The following SPAG16 variants were observed in gnomAD, a reference collection of about 807,000 sequenced individuals.
SPAG16 encodes sperm associated antigen 16, also known as sperm-associated antigen 16 protein.
Under a neutral mutation model 80.4 loss-of-function variants are expected in SPAG16, and 86 were observed. That is an observed-to-expected ratio of 1.07 (90% CI 0.90 to 1.28). SPAG16 has a LOEUF of 1.28. SPAG16 is among the 50% of genes most tolerant of loss of function. The pLI is 0.00. For synonymous variants in SPAG16, 294 were observed against 265.9 expected (o/e 1.11, Z -1.03); for missense variants, 870 against 765.3 (o/e 1.14, Z -1.61).
intron 10 of SPAG16, among the ~76,000 whole-genome samples, chr2:213,598,875 C>G (rs992724763): frequency 1.3e-5 from 2 of 152,064 alleles, no homozygotes; most frequent in Admixed American, 1.3e-4. Context: ...ACATAGGCTT[C>G]AGTGGGAAAA....
intron 6 of SPAG16, among the ~76,000 whole-genome samples, chr2:213,342,932 G>A (rs2124979889): frequency 6.6e-6 from 1 of 152,028 alleles, no homozygotes; most frequent in African/African-American, 2.4e-5. Context: ...CCCAAGCAGA[G>A]CATGGTGGCT....
intron 10 of SPAG16, among the ~76,000 whole-genome samples, chr2:213,496,285 G>T (rs926580676): frequency 6.6e-6 from 1 of 152,122 alleles, no homozygotes; most frequent in Non-Finnish European, 1.5e-5. Context: ...TGGAGTGAAA[G>T]AAAGAATTTA....
At chr2:213,934,104 A>G (rs565321351) in intron 12 of SPAG16, among the ~76,000 whole-genome samples, 43 of 152,330 alleles carry the variant, frequency 2.8e-4, no homozygotes, top group African/African-American at 9.6e-4. Context: ...AGAAGCTACA[A>G]AGAACAATGG....
At chr2:213,731,474 T>C (rs1040482689) in intron 10 of SPAG16, among the ~76,000 whole-genome samples, 31 of 152,114 alleles carry the variant, frequency 2.0e-4, no homozygotes, top group African/African-American at 6.5e-4. Flanking sequence ...TTTTTTTTTT[T>C]TTTCTTTTCC....
intron 9 of SPAG16, among the ~76,000 whole-genome samples, chr2:213,411,282 A>G (rs539387111): frequency 1.3e-5 from 2 of 152,320 alleles, no homozygotes; most frequent in African/African-American, 4.8e-5. Flanking sequence ...CCCACAGGGA[A>G]TATCAGATCA....
At chr2:214,078,539 A>G (rs1378045864) in intron 13 of SPAG16, among the ~76,000 whole-genome samples, 5 of 151,420 alleles carry the variant, frequency 3.3e-5, no homozygotes, top group Non-Finnish European at 7.4e-5. Context: ...GTCTCAAAAA[A>G]AAAAAAAAAA....
intron 9 of SPAG16, among the ~76,000 whole-genome samples, chr2:213,414,489 ATTC>A (rs1361680677): frequency 6.6e-6 from 1 of 152,138 alleles, no homozygotes; most frequent in Non-Finnish European, 1.5e-5. Context: ...CAATTTGTTT[ATTC>A]TTATTTTAGA....
chr2:213,481,050 T>C (rs2073723034), intron 9 of SPAG16, among the ~76,000 whole-genome samples: 1 of 152,222 alleles, frequency 6.6e-6, no homozygotes, highest in Admixed American at 6.5e-5. Flanking sequence ...TATTAGGCAG[T>C]GAACGCAACA....
intron 9 of SPAG16, among the ~76,000 whole-genome samples, chr2:213,397,667 G>A (rs2068109675): frequency 6.6e-6 from 1 of 151,938 alleles, no homozygotes; most frequent in East Asian, 1.9e-4. Context: ...CACTTTCATA[G>A]TCATTTCCTA....
intron 12 of SPAG16, among the ~76,000 whole-genome samples, chr2:213,968,661 G>A (rs778058054): frequency 2.0e-5 from 3 of 152,162 alleles, no homozygotes; most frequent in African/African-American, 2.4e-5. Context: ...CTGCAAATTT[G>A]ACGTAAAAAG....
At position 213,355,843 on chromosome 2, in the gene SPAG16, G is replaced by A. The variant is rs559209729; in HGVS notation, c.762+5198G>A. On this transcript the variant is annotated intron_variant, in intron 7 of 15. Transcript: ENST00000331683. The stretch of plus-strand genomic sequence containing the variant: ...AATTTGACTCCCTCTTTTTCTAATC[G>A]AATCCCCTTTATTTCTTTCTCTTGC... Among the ~76,000 whole-genome samples the A allele has an allele frequency of 7.9e-5, 12 of 152,106 alleles. No homozygotes were observed. The South Asian group carries it at 1.5e-3, about 18-fold the overall frequency.
At chr2:213,811,700 C>T (rs1346006975) in intron 10 of SPAG16, among the ~76,000 whole-genome samples, 5 of 152,104 alleles carry the variant, frequency 3.3e-5, no homozygotes, top group African/African-American at 9.7e-5. Context: ...TTCCCAGCTA[C>T]GGCATTCAGT....
intron 9 of SPAG16, among the ~76,000 whole-genome samples, chr2:213,379,712 AG>A (rs1298462674): frequency 1.3e-5 from 2 of 152,138 alleles, no homozygotes; most frequent in Non-Finnish European, 2.9e-5. Context: ...GATCACCCCA[AG>A]GAATGGTGCC....
chr2:213,610,695 T>C (rs918830783), intron 10 of SPAG16, among the ~76,000 whole-genome samples: 1 of 152,106 alleles, frequency 6.6e-6, no homozygotes, highest in Admixed American at 6.5e-5. Context: ...AGATTCTCCA[T>C]AGACAAAGTA....
chr2:214,217,535 C>A (rs999126030), intron 15 of SPAG16, among the ~76,000 whole-genome samples: 1 of 152,172 alleles, frequency 6.6e-6, no homozygotes, highest in Non-Finnish European at 1.5e-5. Context: ...AATTTAAATA[C>A]ATTATTTTAT....
At chr2:213,443,309 T>C (rs2071097370) in intron 9 of SPAG16, among the ~76,000 whole-genome samples, 1 of 152,222 alleles carries the variant, frequency 6.6e-6, no homozygotes, top group South Asian at 2.1e-4. Context: ...GTCCATTTTC[T>C]TTCCCTCCTT....
At chr2:213,870,538 G>A (rs539374687) in intron 11 of SPAG16, among the ~76,000 whole-genome samples, 1 of 152,326 alleles carries the variant, frequency 6.6e-6, no homozygotes, top group African/African-American at 2.4e-5. Flanking sequence ...CAGTATGGGT[G>A]TGGAAGAGTA....
At chr2:213,839,811 C>A (rs1396768791) in intron 10 of SPAG16, among the ~76,000 whole-genome samples, 2 of 152,072 alleles carry the variant, frequency 1.3e-5, no homozygotes, top group South Asian at 2.1e-4. Context: ...GAATTACTCA[C>A]ATTTTCATGA....
chr2:213,933,774 G>A (rs899388786), intron 12 of SPAG16, among the ~76,000 whole-genome samples: 2 of 152,202 alleles, frequency 1.3e-5, no homozygotes, highest in African/African-American at 2.4e-5. Context: ...AATTACATGG[G>A]AAGAGGAAAA....
Sources: gnomAD v4.1 joint callset for allele counts (sites outside exome capture counted in the v4.1 genomes callset) on GRCh38, gnomAD v4.1.1 for gene constraint, MANE v1.5 for transcripts, NCBI Gene and HGNC (gene_info 2026-07-23, HGNC 2026-07-21) for gene names.